CLEC17A: variants seen among roughly 807,000 people sequenced by gnomAD.
CLEC17A encodes the protein C-type lectin domain family 17, member A.
A neutral mutation model predicts 61.3 loss-of-function variants in CLEC17A; 37 were observed. That is an observed-to-expected ratio of 0.60 (90% confidence interval 0.46 to 0.79). CLEC17A has a LOEUF of 0.79. Ranked by LOEUF, CLEC17A falls within the 30% of genes least tolerant of loss-of-function variation. The pLI is 0.00. For missense variants in CLEC17A, 418 were observed against 464.7 expected (o/e 0.90, Z 0.92); for synonymous variants, 168 against 164.9 (o/e 1.02, Z -0.14).
At chr19:14,609,837 CCAAAACAAAACAAAA>C (rs377095507) in intron 13 of CLEC17A, among the ~76,000 whole-genome samples, 1 of 140,520 alleles carries the variant, frequency 7.1e-6, no homozygotes, top group Non-Finnish European at 1.5e-5. Flanking sequence ...GACTCTGTCT[CCAAAACAAAACAAAA>C]CAAAACAAAA....
At position 14,587,599 on chromosome 19, in the gene CLEC17A, C is replaced by T; in HGVS notation, c.122-15C>T. Reference sequence around the variant, plus strand: ...GAGGGAATGGCTGGGCTCTGACTTGCCTTTCCCCTGGAAGGGACCATGGAG... The same window carrying T: ...GAGGGAATGGCTGGGCTCTGACTTGTCTTTCCCCTGGAAGGGACCATGGAG... On this transcript the variant is annotated splice_polypyrimidine_tract_variant and intron_variant, in intron 2 of 13. Transcript: ENST00000417570. 6.3e-7 allele frequency: 1 copy of T among 1,578,262 alleles called. No individual in the cohort carries two copies.
At chr19:14,608,569 A>AT (rs995080323) in intron 13 of CLEC17A, among the ~76,000 whole-genome samples, 61 of 151,894 alleles carry the variant, frequency 4.0e-4, no homozygotes, top group Non-Finnish European at 6.6e-4. Flanking sequence ...GCTGAAATAT[A>AT]TCAAGCTCTC....
chr19:14,603,850 A>T (rs1214413397), intron 12 of CLEC17A, among the ~76,000 whole-genome samples: 1 of 152,132 alleles, frequency 6.6e-6, no homozygotes, highest in Non-Finnish European at 1.5e-5. Flanking sequence ...CATATTGGGG[A>T]TCCAGTGATG....
chr19:14,595,930 G>GGTA (rs2074535418), intron 8 of CLEC17A, among the ~76,000 whole-genome samples: 1 of 146,410 alleles, frequency 6.8e-6, no homozygotes, highest in African/African-American at 2.5e-5. Flanking sequence ...TGATGGTGTT[G>GGTA]GTGATGATAG....
chr19:14,594,671 G>A lies in CLEC17A; in HGVS notation c.350G>A (p.Arg117Gln), dbSNP rs138054531. The change falls in exon 6 of 14, where the codon CGG becomes CAG. Residue 117 changes from arginine (R) to glutamine (Q), a missense_variant. Coordinates refer to ENST00000417570, the MANE Select transcript of CLEC17A (RefSeq NM_001204118.2). The stretch of plus-strand genomic sequence containing the variant: ...AAACCCCCACTTCCTTGCAAGCCCC[G>A]GAACATGACAGGTGAGAGCTGACAG... ...TEKPPLPCKP[R>Q]NMTGLDLAAV... 161 of 1,613,902 alleles carry A rather than the reference G, an allele frequency of 1.0e-4. No homozygotes were observed. In the African/African-American group the frequency reaches 1.4e-3, roughly 14 times the overall value.
At chr19:14,583,722 G>C (rs1431466539) in intron 2 of CLEC17A, among the ~76,000 whole-genome samples, 1 of 152,132 alleles carries the variant, frequency 6.6e-6, no homozygotes, top group Non-Finnish European at 1.5e-5. Flanking sequence ...GGGCTTGAGG[G>C]ATGAGTAGAC....
intron 4 of CLEC17A, among the ~76,000 whole-genome samples, chr19:14,594,169 G>A (rs562695650): frequency 6.6e-6 from 1 of 151,880 alleles, no homozygotes; most frequent in Admixed American, 6.6e-5. Flanking sequence ...TGTAATCCCA[G>A]CTGAGGGGGC....
At chr19:14,599,889 A>G in intron 11 of CLEC17A, 77 bp downstream of exon 11, 4 of 1,499,886 alleles carry the variant, frequency 2.7e-6, no homozygotes, top group Non-Finnish European at 3.7e-6. Context: ...CATTGAAGTC[A>G]TTCTCAGTGC....
chr19:14,603,184 T>C (rs1438305750), intron 12 of CLEC17A, among the ~76,000 whole-genome samples: 1 of 152,218 alleles, frequency 6.6e-6, no homozygotes, highest in Admixed American at 6.6e-5. Context: ...TCTGCTAGAA[T>C]GGTGTACATT....
intron 3 of CLEC17A, among the ~76,000 whole-genome samples, chr19:14,590,512 C>G (rs2074383737): frequency 6.6e-6 from 1 of 151,962 alleles, no homozygotes. Context: ...ACTCAGTCTC[C>G]CTGGCAGCGG....
chr19:14,582,873 G>T (rs969251162), upstream of CLEC17A, among the ~76,000 whole-genome samples: 3 of 152,220 alleles, frequency 2.0e-5, no homozygotes, highest in Non-Finnish European at 1.5e-5. Flanking sequence ...CTCTAAAAGT[G>T]CTGGGATTCC....
Position 14,594,508 on chromosome 19 carries a change from C to T in CLEC17A, c.278-9C>T. 1 of 1,577,514 alleles carries T rather than the reference C, an allele frequency of 6.3e-7. No homozygotes were observed. Among genetic ancestry groups the T allele is most frequent in the Non-Finnish European group, 8.6e-7 (1 of 1,162,490 alleles). ...AGCCCAGCCCTCACCCTGAGCTTCT[C>T]TTCTCCAGGTTCAAGTGCTCCACCA... On this transcript the variant is annotated splice_polypyrimidine_tract_variant and intron_variant, in intron 4 of 13. Transcript: ENST00000417570.
chr19:14,606,238 C>T (rs1339707292), intron 12 of CLEC17A, among the ~76,000 whole-genome samples: 1 of 151,978 alleles, frequency 6.6e-6, no homozygotes, highest in African/African-American at 2.4e-5. Context: ...AAGACGTCCA[C>T]AGTATGAGGC....
intron 3 of CLEC17A, among the ~76,000 whole-genome samples, chr19:14,591,061 C>A (rs1212999936): frequency 6.6e-6 from 1 of 151,990 alleles, no homozygotes; most frequent in African/African-American, 2.4e-5. Flanking sequence ...GAAGTTTATC[C>A]ATCTCTTCCA....
At chr19:14,596,737 C>G (rs1003024045) in intron 8 of CLEC17A, 139 bp from the exon 9 acceptor site, 25 of 996,432 alleles carry the variant, frequency 2.5e-5, no homozygotes, top group Non-Finnish European at 3.2e-5. Flanking sequence ...CTCCCTAACC[C>G]TCTCTTGCTG....
chr19:14,597,889 C>T (rs1313337598), intron 10 of CLEC17A, among the ~76,000 whole-genome samples: 1 of 152,142 alleles, frequency 6.6e-6, no homozygotes, highest in Non-Finnish European at 1.5e-5. Flanking sequence ...TGGCCTAAAA[C>T]CTGTGTTTCT....
upstream of CLEC17A, chr19:14,583,059 G>A (rs2146653262): frequency 3.8e-6 from 5 of 1,320,752 alleles, no homozygotes; most frequent in Non-Finnish European, 5.4e-6. Context: ...GACTTTGAAA[G>A]GAAAAGGGAA....
At chr19:14,593,587 G>A (rs937322473) in intron 4 of CLEC17A, among the ~76,000 whole-genome samples, 4 of 151,990 alleles carry the variant, frequency 2.6e-5, no homozygotes, top group Admixed American at 2.0e-4. Flanking sequence ...GCTAGAACCC[G>A]GGAGTTCAAG....
chr19:14,611,360 G>A lies in CLEC17A; in HGVS notation c.*1164G>A, dbSNP rs1599589880. 6.8e-6 allele frequency among the ~76,000 whole-genome samples: 1 copy of A among 147,782 alleles called. No individual in the cohort carries two copies. Among genetic ancestry groups the A allele is most frequent in the Admixed American group, 7.0e-5 (1 of 14,366 alleles). Reference sequence around the variant, plus strand: ...CTTTTGCCAGAAGACTTGGCCCGTGGAACTTCTATCCTTTTTTTTTTTTTT... The same window carrying A: ...CTTTTGCCAGAAGACTTGGCCCGTGAAACTTCTATCCTTTTTTTTTTTTTT... On this transcript the variant is annotated 3_prime_UTR_variant, in exon 14 of 14. Coordinates refer to ENST00000417570, the MANE Select transcript of CLEC17A (RefSeq NM_001204118.2).
Sources: allele counts gnomAD v4.1 joint callset (sites outside exome capture counted in the v4.1 genomes callset), GRCh38; gene constraint gnomAD v4.1.1; transcripts MANE v1.5; gene names NCBI Gene and HGNC (gene_info 2026-07-23, HGNC 2026-07-21).